The following CSGALNACT1 variants were observed in gnomAD, a reference collection of about 807,000 sequenced individuals.
CSGALNACT1 encodes the protein chondroitin sulfate N-acetylgalactosaminyltransferase 1, also known as beta4GalNAcT-1.
Under a neutral mutation model 51.0 loss-of-function variants are expected in CSGALNACT1, and 52 were observed. The ratio of observed to expected loss-of-function variants is 1.02; its 90% CI spans 0.82 to 1.29. CSGALNACT1 has a LOEUF of 1.29. Ranked by LOEUF, CSGALNACT1 falls within the 50% of genes most tolerant of loss-of-function variation. The pLI is 0.00. For missense variants in CSGALNACT1, 935 were observed against 679.2 expected (o/e 1.38, Z -4.19); for synonymous variants, 341 against 254.4 (o/e 1.34, Z -3.24).
intron 1 of CSGALNACT1, among the ~76,000 whole-genome samples, chr8:19,707,801 G>A (rs1051870473): frequency 3.3e-5 from 5 of 152,088 alleles, no homozygotes; most frequent in East Asian, 3.9e-4. Flanking sequence ...AGGAGATCGA[G>A]ATCAGCCTGG....
chr8:19,741,965 C>A (rs2064345325), intron 1 of CSGALNACT1, among the ~76,000 whole-genome samples: 1 of 152,278 alleles, frequency 6.6e-6, no homozygotes, highest in South Asian at 2.1e-4. Context: ...CTGCTCAACC[C>A]TGAACAGCTG....
At chr8:19,616,162 A>T (rs145329319) in intron 1 of CSGALNACT1, among the ~76,000 whole-genome samples, 1 of 152,244 alleles carries the variant, frequency 6.6e-6, no homozygotes, top group Non-Finnish European at 1.5e-5. Context: ...GTAGGACCTC[A>T]ATTTATCTTA....
At chr8:19,441,356 G>T (rs572743852) in intron 5 of CSGALNACT1, among the ~76,000 whole-genome samples, 1 of 152,290 alleles carries the variant, frequency 6.6e-6, no homozygotes, top group East Asian at 1.9e-4. Context: ...GCATGGTAGT[G>T]GTACCAAAAC....
intron 5 of CSGALNACT1, among the ~76,000 whole-genome samples, chr8:19,450,282 G>GGGAGGAGGAGAAGGA (rs1563459538): frequency 1.4e-5 from 2 of 141,702 alleles, no homozygotes; most frequent in African/African-American, 5.3e-5. Flanking sequence ...GGGGAGGAGA[G>GGGAGGAGGAGAAGGA]GGAGGAGGAG....
At chr8:19,669,772 G>C (rs184148216) in intron 1 of CSGALNACT1, among the ~76,000 whole-genome samples, 150 of 152,336 alleles carry the variant, frequency 9.8e-4, no homozygotes, top group African/African-American at 3.4e-3. Flanking sequence ...ACTGTGCCCA[G>C]CTGTAAACCA....
intron 1 of CSGALNACT1, among the ~76,000 whole-genome samples, chr8:19,646,870 C>T (rs1446876559): frequency 3.3e-5 from 5 of 152,142 alleles, no homozygotes; most frequent in Admixed American, 2.6e-4. Context: ...AAGAGACACA[C>T]CTCCTCAGTG....
intron 4 of CSGALNACT1, among the ~76,000 whole-genome samples, chr8:19,492,668 G>A (rs1017143876): frequency 1.3e-5 from 2 of 152,196 alleles, no homozygotes; most frequent in Non-Finnish European, 2.9e-5. Flanking sequence ...GCCCAGCCAT[G>A]CTCTGGTCTT....
At chr8:19,509,352 G>C (rs920357381) in intron 3 of CSGALNACT1, among the ~76,000 whole-genome samples, 1 of 152,026 alleles carries the variant, frequency 6.6e-6, no homozygotes, top group East Asian at 1.9e-4. Context: ...GGGCACGGTG[G>C]CTCACACCTG....
At chr8:19,443,959 G>A (rs2061720700) in intron 5 of CSGALNACT1, among the ~76,000 whole-genome samples, 1 of 152,154 alleles carries the variant, frequency 6.6e-6, no homozygotes, top group Non-Finnish European at 1.5e-5. Flanking sequence ...AGTCTCATAA[G>A]GAACACACAA....
intron 3 of CSGALNACT1, among the ~76,000 whole-genome samples, chr8:19,507,324 C>T (rs189503921): frequency 7.9e-5 from 12 of 152,098 alleles, no homozygotes; most frequent in African/African-American, 2.2e-4. Flanking sequence ...AATACTCAGA[C>T]GGGTCCCAGG....
At chr8:19,553,640 A>ATATATATATAAATATAT (rs201836569) in intron 3 of CSGALNACT1, among the ~76,000 whole-genome samples, 2 of 117,044 alleles carry the variant, frequency 1.7e-5, no homozygotes, top group Non-Finnish European at 3.4e-5. Flanking sequence ...TATATATATA[A>ATATATATATAAATATAT]AAAAATATGT....
intron 3 of CSGALNACT1, among the ~76,000 whole-genome samples, chr8:19,536,087 A>G (rs188426482): frequency 4.3e-4 from 66 of 152,328 alleles, no homozygotes; most frequent in African/African-American, 1.5e-3. Context: ...ATCTACAAAA[A>G]ACTCCTTGAG....
chr8:19,538,725 A>T (rs535785523), intron 3 of CSGALNACT1, among the ~76,000 whole-genome samples: 4 of 152,252 alleles, frequency 2.6e-5, no homozygotes, highest in African/African-American at 9.6e-5. Context: ...TGGCTGGAAG[A>T]TCAATTGAAA....
Position 19,757,582 on chromosome 8 carries a change from G to A in CSGALNACT1, c.-297+268C>T, listed in dbSNP as rs1261626883. Reference sequence around the variant, plus strand: ...CGGTTTACGCGTGACTGGACACCAAGAGCCGGAGAAGTTTAGAGACTAGGA... The same window carrying A: ...CGGTTTACGCGTGACTGGACACCAAAAGCCGGAGAAGTTTAGAGACTAGGA... On this transcript the variant is annotated intron_variant, in intron 1 of 1. Transcript: ENST00000517494. This position sits in a 1 kb window ranked among gnomAD's most constrained non-coding sequence, Gnocchi z 4.0. Among the ~76,000 whole-genome samples, 1 of 152,184 alleles carries A rather than the reference G, an allele frequency of 6.6e-6. No individual in the cohort carries two copies. Among genetic ancestry groups the A allele is most frequent in the Non-Finnish European group, 1.5e-5 (1 of 68,020 alleles).
intron 6 of CSGALNACT1, among the ~76,000 whole-genome samples, chr8:19,427,369 T>C (rs1282198322): frequency 6.6e-6 from 1 of 152,204 alleles, no homozygotes; most frequent in Non-Finnish European, 1.5e-5. Flanking sequence ...TTTTGTTTGC[T>C]TGTGTTTTGA....
intron 3 of CSGALNACT1, 148 bp from the exon 3 acceptor site, chr8:19,506,278 T>A: frequency 2.8e-6 from 1 of 359,628 alleles, no homozygotes. Context: ...TGTGTATAAA[T>A]CAGAACACAA....
intron 4 of CSGALNACT1, among the ~76,000 whole-genome samples, chr8:19,501,664 AAG>A (rs1427264805): frequency 2.0e-5 from 3 of 152,226 alleles, no homozygotes; most frequent in Non-Finnish European, 4.4e-5. Context: ...TGGATTGTGA[AAG>A]AGAGTTCGGA....
chr8:19,676,612 A>G (rs919761039), intron 1 of CSGALNACT1, among the ~76,000 whole-genome samples: 2 of 152,226 alleles, frequency 1.3e-5, no homozygotes, highest in African/African-American at 4.8e-5. Context: ...GCTGTGTAGT[A>G]TAAGAAGGAA....
At chr8:19,619,577 G>C (rs1051157983) in intron 1 of CSGALNACT1, among the ~76,000 whole-genome samples, 13 of 152,144 alleles carry the variant, frequency 8.5e-5, no homozygotes, top group African/African-American at 3.1e-4. Context: ...GCCAGACTAG[G>C]GGCAGGTTCA....
Sources: allele counts gnomAD v4.1 joint callset (sites outside exome capture counted in the v4.1 genomes callset), GRCh38; gene constraint gnomAD v4.1.1; non-coding constraint Gnocchi (gnomAD v3.1); transcripts MANE v1.5; gene names NCBI Gene and HGNC (gene_info 2026-07-23, HGNC 2026-07-21).